Variants in SLC67A1 observed in about 807,000 individuals in gnomAD.
SLC67A1 encodes solute carrier family 67 member A1.
the SLC67A1 span, among the ~76,000 whole-genome samples, chr11:2,902,937 T>C: frequency 3.9e-5 from 6 of 152,172 alleles, no homozygotes; most frequent in Admixed American, 6.5e-5. Context: ...GCGCTGATGA[T>C]TTGAGGTGGA....
At chr11:2,918,051 T>C in the SLC67A1 span, 17 of 1,613,522 alleles carry the variant, frequency 1.1e-5, no homozygotes, top group Non-Finnish European at 1.4e-5. Context: ...CTGCCAGACG[T>C]CCCGAGGATC....
the SLC67A1 span, chr11:2,915,164 A>G: frequency 1.0e-6 from 1 of 985,370 alleles, no homozygotes; most frequent in Non-Finnish European, 1.2e-6. Flanking sequence ...GGGGTGGCCA[A>G]TGCCCAGACT....
At chr11:2,922,151 AGGTGCTGCTCCGGGCCAGCGTGCT>A in the SLC67A1 span, 3 of 1,613,498 alleles carry the variant, frequency 1.9e-6, no homozygotes, top group Non-Finnish European at 2.5e-6. Flanking sequence ...TTCTCGGAGG[AGGTGCTGCTCCGGGCCAGCGTGCT>A]GGTCTTCATC....
At chr11:2,902,970 T>A in the SLC67A1 span, 1 of 239,826 alleles carries the variant, frequency 4.2e-6, no homozygotes, top group Non-Finnish European at 7.8e-6. Flanking sequence ...TCCGAGCCTC[T>A]GCCTCCCTCT....
the SLC67A1 span, chr11:2,902,596 A>G: frequency 0.43 from 421,120 of 984,958 alleles, 92,179 homozygotes; most frequent in East Asian, 0.76. Context: ...CGGGGCTCAG[A>G]TGTGCAGTCA....
chr11:2,919,401 C>G, the SLC67A1 span: 94 of 1,612,876 alleles, frequency 5.8e-5, 1 homozygote, highest in Non-Finnish European at 7.5e-5. Context: ...TCGGGCTCCT[C>G]CAGATGGTGA....
At chr11:2,918,737 G>A in the SLC67A1 span, among the ~76,000 whole-genome samples, 1 of 151,506 alleles carries the variant, frequency 6.6e-6, no homozygotes, top group Non-Finnish European at 1.5e-5. Context: ...TGAGACCACT[G>A]ACCAGGCTGG....
the SLC67A1 span, chr11:2,902,713 T>G: frequency 1.0e-6 from 1 of 985,542 alleles, no homozygotes; most frequent in Non-Finnish European, 1.2e-6. Context: ...CACTCCGCTG[T>G]GGGAGGTAAG....
At chr11:2,913,685 C>T in the SLC67A1 span, among the ~76,000 whole-genome samples, 3 of 152,238 alleles carry the variant, frequency 2.0e-5, no homozygotes, top group Non-Finnish European at 2.9e-5. Flanking sequence ...CCTGCCCCAT[C>T]GTCTTGTGAG....
At chr11:2,922,349 C>A in the SLC67A1 span, 1 of 1,558,840 alleles carries the variant, frequency 6.4e-7, no homozygotes, top group Non-Finnish European at 8.7e-7. Flanking sequence ...GGACAGCAGT[C>A]AGGGTGGGGA....
chr11:2,921,359 G>A, the SLC67A1 span: 2 of 152,272 alleles, frequency 1.3e-5, no homozygotes, highest in African/African-American at 4.8e-5. Context: ...CAGGAATTTG[G>A]GAGGGTGACT....
the SLC67A1 span, chr11:2,922,567 C>A: frequency 6.8e-6 from 11 of 1,608,132 alleles, no homozygotes; most frequent in Non-Finnish European, 8.5e-6. Context: ...GTGAGTGTGG[C>A]CAGCGAGTGG....
chr11:2,908,391 C>T, the SLC67A1 span: 1 of 1,318,064 alleles, frequency 7.6e-7, no homozygotes, highest in Non-Finnish European at 1.1e-6. Context: ...TCTCAGACGC[C>T]ATGGGCTCAG....
the SLC67A1 span, among the ~76,000 whole-genome samples, chr11:2,923,732 C>G: frequency 6.6e-6 from 1 of 152,334 alleles, no homozygotes; most frequent in South Asian, 2.1e-4. This position sits in a 1 kb window ranked among gnomAD's most constrained non-coding sequence, Gnocchi z 6.5. Flanking sequence ...AGGACCCGGC[C>G]TGGCTGGGAA....
At chr11:2,913,041 C>A in the SLC67A1 span, among the ~76,000 whole-genome samples, 132 of 152,164 alleles carry the variant, frequency 8.7e-4, 1 homozygote, top group African/African-American at 2.9e-3. Context: ...CCCAGGGCAC[C>A]CCAAGCGCTG....
chr11:2,918,143 C>T, the SLC67A1 span: 3 of 1,448,148 alleles, frequency 2.1e-6, no homozygotes, highest in Non-Finnish European at 2.9e-6. Flanking sequence ...TGGCAGAGTC[C>T]CAGCTGCGGC....
At chr11:2,922,923 G>A in the SLC67A1 span, among the ~76,000 whole-genome samples, 1 of 152,182 alleles carries the variant, frequency 6.6e-6, no homozygotes, top group South Asian at 2.1e-4. Context: ...GGGGAGTGGG[G>A]CACACAAGTG....
chr11:2,916,563 G>A, the SLC67A1 span: 2 of 1,315,168 alleles, frequency 1.5e-6, no homozygotes, highest in South Asian at 2.5e-5. Flanking sequence ...TGGGGGATGT[G>A]GCTGGGGCGC....
the SLC67A1 span, among the ~76,000 whole-genome samples, chr11:2,922,946 CTGAA>C: frequency 6.6e-6 from 1 of 152,190 alleles, no homozygotes; most frequent in Admixed American, 6.5e-5. Context: ...CAGGAGCTTC[CTGAA>C]TGAATGAGGG....
Sources: allele counts gnomAD v4.1 joint callset (sites outside exome capture counted in the v4.1 genomes callset), GRCh38; gene constraint gnomAD v4.1.1; non-coding constraint Gnocchi (gnomAD v3.1); transcripts MANE v1.5; gene names NCBI Gene and HGNC (gene_info 2026-07-23, HGNC 2026-07-21).